B3GAT1: variants seen among roughly 807,000 people sequenced by gnomAD.
The protein encoded by B3GAT1 is galactosylgalactosylxylosylprotein 3-beta-glucuronosyltransferase 1.
B3GAT1 carries 11 observed loss-of-function variants against 28.4 expected under a neutral mutation model. The observed-to-expected ratio is 0.39, with a 90% CI of 0.24 to 0.64. B3GAT1 has a LOEUF of 0.64. Among genes scored for constraint, B3GAT1 ranks in the 30% least tolerant of loss-of-function variants. B3GAT1 has a pLI of 0.50. For synonymous variants in B3GAT1, 255 were observed against 223.1 expected (o/e 1.14, Z -1.27); for missense variants, 375 against 491.0 (o/e 0.76, Z 2.23).
chr11:134,390,868 G>C (rs978773994), intron 1 of B3GAT1: 2 of 152,338 alleles, frequency 1.3e-5, no homozygotes, highest in Non-Finnish European at 2.9e-5. Flanking sequence ...CCAGGCGCAG[G>C]GTGGGTAAGG....
intron 4 of B3GAT1, among the ~76,000 whole-genome samples, chr11:134,382,286 A>G (rs181814196): frequency 2.0e-5 from 3 of 148,784 alleles, no homozygotes; most frequent in African/African-American, 7.4e-5. Context: ...TACAGAAAAG[A>G]GAAGCCCCAA....
intron 1 of B3GAT1, among the ~76,000 whole-genome samples, chr11:134,406,886 A>G (rs1470554151): frequency 6.9e-6 from 1 of 145,578 alleles, no homozygotes; most frequent in Admixed American, 6.7e-5. Context: ...GCTCCGGTCC[A>G]CAACACTCTG....
At chr11:134,403,597 C>A (rs1286867148) in intron 1 of B3GAT1, among the ~76,000 whole-genome samples, 3 of 152,190 alleles carry the variant, frequency 2.0e-5, no homozygotes, top group African/African-American at 7.2e-5. Context: ...GGTGGCCCCT[C>A]TGCTCAGACA....
At chr11:134,390,620 C>T (rs538938379) in intron 1 of B3GAT1, 76 of 152,374 alleles carry the variant, frequency 5.0e-4, no homozygotes, top group African/African-American at 1.8e-3. Context: ...GAGAGATGTC[C>T]GAAGATGAGG....
chr11:134,381,090 AG>A (rs981901127), intron 5 of B3GAT1, among the ~76,000 whole-genome samples: 1 of 152,186 alleles, frequency 6.6e-6, no homozygotes, highest in Non-Finnish European at 1.5e-5. Context: ...CATAACCTAG[AG>A]TAGGGAGTCA....
At position 134,411,101 on chromosome 11, in the gene B3GAT1, C is replaced by T. The variant is rs1944844571; in HGVS notation, c.-282+706G>A. On this transcript the variant is annotated intron_variant, in intron 1 of 5. Transcript: ENST00000312527. The surrounding 1 kb of genome is among the most constrained non-coding windows in gnomAD (Gnocchi z 6.0). ...TTGGTACGGGGCTGTCACCTCCTTA[C>T]CCTGGCACTGTCGGACCTGGTGGCT... is the stretch of plus-strand genomic sequence containing the variant. Among the ~76,000 whole-genome samples the T allele has an allele frequency of 1.3e-5, 2 of 152,188 alleles. No individual in the cohort carries two copies. The highest frequency in any genetic ancestry group is 3.9e-4 in the East Asian group (2 of 5,194).
Position 134,387,712 on chromosome 11 carries a change from CA to C in B3GAT1, c.-54del. ...CTCATTACCTGAGTGGCGGTAAGTT[CA>C]GGAGAGGGGCGGCCACGGGCGGCGG... is the stretch of plus-strand genomic sequence containing the variant. On this transcript the variant is annotated 5_prime_UTR_variant, in exon 2 of 6. An upstream open reading frame in the 5' UTR loses its in-frame stop. Transcript: ENST00000312527. 2 of 1,610,458 alleles carry C rather than the reference CA, an allele frequency of 1.2e-6. No individual in the cohort carries two copies. Among genetic ancestry groups the C allele is most frequent in the Non-Finnish European group, 1.7e-6 (2 of 1,178,602 alleles).
chr11:134,412,234 C>A lies in B3GAT1; in HGVS notation c.-709G>T, dbSNP rs1427584539. Among the ~76,000 whole-genome samples the A allele has an allele frequency of 1.4e-5, 2 of 145,362 alleles. No individual in the cohort carries two copies. The highest frequency in any genetic ancestry group is 4.9e-5 in the African/African-American group (2 of 40,418). On this transcript the variant is annotated 5_prime_UTR_variant, in exon 1 of 6. Transcript: ENST00000312527. ...GTGGCGGCGGATGCGCCGGTGCCGC[C>A]GCGGCTCTGCCGGCGCCTCCCGCCC...
chr11:134,404,327 CAG>C (rs1371134257), intron 1 of B3GAT1, among the ~76,000 whole-genome samples: 1 of 151,880 alleles, frequency 6.6e-6, no homozygotes, highest in African/African-American at 2.4e-5. Flanking sequence ...AGAATGGGTA[CAG>C]AGTTTCCAAT....
In B3GAT1 at chr11:134,403,983, TTATATATATATATA is replaced by T. The variant is rs55794505; in HGVS notation, c.-282+7810_-282+7823del. Among the ~76,000 whole-genome samples, 223 of 40,672 alleles carry T rather than the reference TTATATATATATATA, an allele frequency of 5.5e-3. 2 individuals are homozygous for T. The highest frequency in any genetic ancestry group is 0.024 in the South Asian group (23 of 942). The allele number at this position is 40,672 out of a possible 152,430, so 26.7% of individuals were successfully genotyped here. On this transcript the variant is annotated intron_variant, in intron 1 of 5. Coordinates refer to ENST00000312527, the MANE Select transcript of B3GAT1 (RefSeq NM_054025.3). Reference sequence around the variant, plus strand: ...TTTAACGGGTACAGAGTTTCTTTCTTTATATATATATATATATATATATATATATATATATATAT... The same window carrying T: ...TTTAACGGGTACAGAGTTTCTTTCTTTATATATATATATATATATATATAT...
chr11:134,398,211 G>A (rs1431347531), intron 1 of B3GAT1, among the ~76,000 whole-genome samples: 1 of 152,230 alleles, frequency 6.6e-6, no homozygotes, highest in Non-Finnish European at 1.5e-5. Flanking sequence ...CCGTGAGTCA[G>A]CACACGTGTA....
chr11:134,404,170 C>T (rs991162124), intron 1 of B3GAT1, among the ~76,000 whole-genome samples: 1 of 151,808 alleles, frequency 6.6e-6, no homozygotes, highest in Non-Finnish European at 1.5e-5. Context: ...TCCCTCCCCT[C>T]TCCCGCTATC....
At chr11:134,389,299 GCAC>G (rs1192630524) in intron 1 of B3GAT1, 2 of 152,230 alleles carry the variant, frequency 1.3e-5, no homozygotes, top group Non-Finnish European at 2.9e-5. Context: ...TCCTTGTGGA[GCAC>G]CGCTCTGTGC....
Position 134,381,934 on chromosome 11 carries a change from A to G in B3GAT1, c.*4T>C, listed in dbSNP as rs1314762752. 1.2e-6 allele frequency: 2 copies of G among 1,613,560 alleles called. No individual in the cohort carries two copies. Among genetic ancestry groups the G allele is most frequent in the Admixed American group, 3.3e-5 (2 of 59,992 alleles). ...TCGTCATGCCCATACCTGCATCCTG[A>G]GGCTCAGATCTCCACCGAGGGGTCA... On this transcript the variant is annotated 3_prime_UTR_variant, in exon 5 of 6. Coordinates refer to ENST00000312527, the MANE Select transcript of B3GAT1 (RefSeq NM_054025.3).
In B3GAT1 at chr11:134,379,520, T is replaced by C. The variant is rs941355939; in HGVS notation, c.*1242A>G. The C allele has an allele frequency of 6.6e-6, 1 of 152,408 alleles. No homozygotes were observed. The highest frequency in any genetic ancestry group is 2.4e-5 in the African/African-American group (1 of 41,436). The allele number at this position is 152,408 out of a possible 1,614,324, so 9.4% of individuals were successfully genotyped here. ...ACTGTTCTTTCTCCAGGATGGAAAG[T>C]GGACAGCTGGACATGAGGTGGGCTA... On this transcript the variant is annotated 3_prime_UTR_variant, in exon 6 of 6. Transcript: ENST00000312527.
chr11:134,405,575 G>A (rs1944715934), intron 1 of B3GAT1, among the ~76,000 whole-genome samples: 1 of 152,152 alleles, frequency 6.6e-6, no homozygotes, highest in Admixed American at 6.5e-5. Flanking sequence ...GAGAAGAGAG[G>A]AGGTGAGGGG....
At position 134,403,974 on chromosome 11, in the gene B3GAT1, TTTC is replaced by T. The variant is rs533332436; in HGVS notation, c.-282+7830_-282+7832del. Among the ~76,000 whole-genome samples the T allele has an allele frequency of 7.3e-3, 597 of 82,040 alleles. 26 individuals are homozygous for T. Among genetic ancestry groups the T allele is most frequent in the African/African-American group, 0.031 (536 of 17,340 alleles). 53.8% of individuals were successfully genotyped at this position (82,040 alleles called of 152,430 possible). A position where few individuals can be genotyped will look rare whatever the true frequency, so the allele number is the denominator to read the frequency against. On this transcript the variant is annotated intron_variant, in intron 1 of 5. Transcript: ENST00000312527. The stretch of plus-strand genomic sequence containing the variant: ...TGGGAGTCATTTAACGGGTACAGAG[TTTC>T]TTTCTTTATATATATATATATATAT...
intron 2 of B3GAT1, chr11:134,386,847 A>T (rs1944300453): frequency 6.6e-6 from 1 of 152,256 alleles, no homozygotes; most frequent in African/African-American, 2.4e-5. Flanking sequence ...ATGCGTCGAC[A>T]TCTTGGGGGA....
chr11:134,406,794 C>G (rs1944740991), intron 1 of B3GAT1, among the ~76,000 whole-genome samples: 1 of 152,196 alleles, frequency 6.6e-6, no homozygotes, highest in Non-Finnish European at 1.5e-5. Flanking sequence ...TGAGGCCACA[C>G]AGCTACTAAG....
Sources: allele counts gnomAD v4.1 joint callset (sites outside exome capture counted in the v4.1 genomes callset), GRCh38; gene constraint gnomAD v4.1.1; non-coding constraint Gnocchi (gnomAD v3.1); transcripts MANE v1.5; gene names NCBI Gene and HGNC (gene_info 2026-07-23, HGNC 2026-07-21).